The following PDE8A variants were observed in gnomAD, a reference collection of about 807,000 sequenced individuals.
The protein encoded by PDE8A is phosphodiesterase 8A, also known as high affinity cAMP-specific and IBMX-insensitive 3',5'-cyclic phosphodiesterase 8A.
Under a neutral mutation model 105.0 loss-of-function variants are expected in PDE8A, and 59 were observed. The ratio of observed to expected loss-of-function variants is 0.56; its 90% CI spans 0.46 to 0.70. PDE8A has a LOEUF of 0.70. PDE8A is among the 30% of genes least tolerant of loss of function. PDE8A has a pLI of 0.00. For missense variants in PDE8A, 1,014 were observed against 1,045.9 expected (o/e 0.97, Z 0.42); for synonymous variants, 355 against 371.9 (o/e 0.95, Z 0.52).
At chr15:85,070,766 C>G (rs945223102) in intron 3 of PDE8A, among the ~76,000 whole-genome samples, 1 of 152,154 alleles carries the variant, frequency 6.6e-6, no homozygotes, top group African/African-American at 2.4e-5. Context: ...GCTGTGGACT[C>G]TACCCCGTAG....
chr15:85,035,787 C>A (rs892421667), intron 1 of PDE8A, among the ~76,000 whole-genome samples: 4 of 152,176 alleles, frequency 2.6e-5, no homozygotes, highest in Admixed American at 6.5e-5. Context: ...TATAAACAGA[C>A]CAACTTTCTG....
rs758244784 is a variant in PDE8A, at chr15:85,067,138, A to G, written c.368A>G (p.Lys123Arg). 6.2e-6 allele frequency: 10 copies of G among 1,613,964 alleles called. No individual in the cohort carries two copies. The highest frequency in any genetic ancestry group is 2.2e-5 in the East Asian group (1 of 44,878). ...GCTGTCCTTGCCTGTTTCCTGGACA[A>G]ACATCATGACATTATCATCATAGAC... ...AQAVLACFLDKHHDIIIIDHR... is the reference protein window; with the variant it reads ...AQAVLACFLDRHHDIIIIDHR... The change falls in exon 3 of 22, where the codon AAA becomes AGA. Residue 123 changes from lysine (K) to arginine (R), a missense_variant. By Grantham distance (26) the Lys-to-Arg change is conservative (BLOSUM62 2). Coordinates refer to ENST00000394553, the MANE Select transcript of PDE8A (RefSeq NM_002605.3).
At chr15:84,988,122 A>T (rs1432783379) in intron 1 of PDE8A, among the ~76,000 whole-genome samples, 1 of 152,208 alleles carries the variant, frequency 6.6e-6, no homozygotes, top group Non-Finnish European at 1.5e-5. Flanking sequence ...CAACCCTGTG[A>T]GGTGGCAGGT....
chr15:85,064,685 G>A (rs541485205), intron 2 of PDE8A, among the ~76,000 whole-genome samples: 6 of 152,294 alleles, frequency 3.9e-5, no homozygotes, highest in African/African-American at 1.2e-4. Flanking sequence ...CAGGCACGGT[G>A]GCTCATGCCT....
intron 1 of PDE8A, among the ~76,000 whole-genome samples, chr15:85,016,740 A>G (rs960926045): frequency 5.3e-5 from 8 of 152,338 alleles, no homozygotes; most frequent in African/African-American, 1.9e-4. Flanking sequence ...ACAAATTAGT[A>G]TAGGGAGAAC....
intron 1 of PDE8A, among the ~76,000 whole-genome samples, chr15:85,048,195 T>C (rs1162718578): frequency 6.6e-6 from 1 of 152,160 alleles, no homozygotes; most frequent in Non-Finnish European, 1.5e-5. Flanking sequence ...GATTTTTTGT[T>C]GTCGCTTAAA....
chr15:85,092,297 A>C (rs72630468), intron 8 of PDE8A, among the ~76,000 whole-genome samples: 1 of 151,746 alleles, frequency 6.6e-6, no homozygotes, highest in African/African-American at 2.4e-5. Flanking sequence ...TTTTGCCTTC[A>C]ACTTTTCTGT....
chr15:85,066,376 C>T (rs1283505378), intron 2 of PDE8A, among the ~76,000 whole-genome samples: 2 of 152,066 alleles, frequency 1.3e-5, no homozygotes, highest in South Asian at 2.1e-4. Flanking sequence ...GCCTGGGCAA[C>T]ATGGAGGGAC....
chr15:85,089,311 C>T, intron 6 of PDE8A, 27 bp from the exon 7 acceptor site: 2 of 1,163,068 alleles, frequency 1.7e-6, no homozygotes, highest in Non-Finnish European at 2.5e-6. Context: ...TTACATTAAT[C>T]ATTCCTTTTT....
chr15:85,116,779 A>G (rs1295882609), intron 16 of PDE8A, among the ~76,000 whole-genome samples: 1 of 152,126 alleles, frequency 6.6e-6, no homozygotes, highest in Non-Finnish European at 1.5e-5. Context: ...AGTCTGGGTG[A>G]CCTGTCCCCA....
At chr15:85,103,200 C>T (rs1472218065) in intron 11 of PDE8A, among the ~76,000 whole-genome samples, 9 of 152,072 alleles carry the variant, frequency 5.9e-5, no homozygotes, top group South Asian at 2.1e-4. Flanking sequence ...CCAGCCTGGG[C>T]GACAGCAAGA....
chr15:85,109,374 A>G (rs2081989990), intron 12 of PDE8A, among the ~76,000 whole-genome samples: 1 of 152,240 alleles, frequency 6.6e-6, no homozygotes, highest in African/African-American at 2.4e-5. Context: ...TATATTCTAT[A>G]GTTGCTTTTC....
intron 20 of PDE8A, among the ~76,000 whole-genome samples, chr15:85,129,654 A>G (rs2082303876): frequency 9.2e-6 from 1 of 108,438 alleles, no homozygotes; most frequent in Non-Finnish European, 1.8e-5. Context: ...GATCTTTTCA[A>G]AAAATTATCT....
chr15:85,108,466 T>A (rs2081976640), intron 11 of PDE8A, among the ~76,000 whole-genome samples: 1 of 152,020 alleles, frequency 6.6e-6, no homozygotes, highest in South Asian at 2.1e-4. Context: ...TGTCAGTGAT[T>A]GGTTTGGGGG....
intron 1 of PDE8A, among the ~76,000 whole-genome samples, chr15:85,009,962 A>G (rs1311630250): frequency 1.3e-5 from 2 of 152,250 alleles, no homozygotes; most frequent in Non-Finnish European, 2.9e-5. Flanking sequence ...GATCATTGCT[A>G]CATGCAACAC....
chr15:85,068,136 G>A (rs946659568), intron 3 of PDE8A, among the ~76,000 whole-genome samples: 4 of 152,088 alleles, frequency 2.6e-5, no homozygotes, highest in Admixed American at 6.5e-5. Context: ...CACCTCCAGG[G>A]TTCAAGGGAT....
At chr15:84,995,856 A>T (rs1365596714) in intron 1 of PDE8A, among the ~76,000 whole-genome samples, 1 of 152,214 alleles carries the variant, frequency 6.6e-6, no homozygotes. Flanking sequence ...TTTTTATTTC[A>T]TAAGGAGCAT....
chr15:85,095,316 C>A (rs2081725766), intron 8 of PDE8A, among the ~76,000 whole-genome samples: 1 of 152,086 alleles, frequency 6.6e-6, no homozygotes, highest in Non-Finnish European at 1.5e-5. Flanking sequence ...TAAGGTTGTA[C>A]TATTATTATT....
intron 6 of PDE8A, among the ~76,000 whole-genome samples, chr15:85,085,340 C>T (rs2081533986): frequency 6.6e-6 from 1 of 152,130 alleles, no homozygotes; most frequent in African/African-American, 2.4e-5. Context: ...CTTTCAGATA[C>T]TAAAATGCAC....
Sources: allele counts gnomAD v4.1 joint callset (sites outside exome capture counted in the v4.1 genomes callset), GRCh38; gene constraint gnomAD v4.1.1; transcripts MANE v1.5; gene names NCBI Gene and HGNC (gene_info 2026-07-23, HGNC 2026-07-21).